The following SLC47A1 variants were observed in gnomAD, a reference collection of about 807,000 sequenced individuals.
The protein encoded by SLC47A1 is solute carrier family 47 member 1.
In SLC47A1, 58 loss-of-function variants were observed where a neutral mutation model predicts 65.8. The ratio of observed to expected loss-of-function variants is 0.88; its 90% CI spans 0.71 to 1.10. SLC47A1 has a LOEUF of 1.10. SLC47A1 is among the 50% of genes least tolerant of loss of function. The pLI is 0.00. For missense variants in SLC47A1, 706 were observed against 719.2 expected (o/e 0.98, Z 0.21); for synonymous variants, 285 against 295.0 (o/e 0.97, Z 0.35).
rs1161787923 is a variant in SLC47A1 at position 19,567,169 on chromosome 17, A to G, written c.1250A>G (p.Tyr417Cys). The stretch of plus-strand genomic sequence containing the variant: ...GCCATTGTGAATACCATTGGGTACT[A>G]TGTGGTTGGCCTCCCCATCGGGATC... The part of the protein sequence containing the change: ...VGAIVNTIGY[Y>C]VVGLPIGIAL... Residue 417 changes from tyrosine to cysteine, a missense_variant, in exon 14 of 17, where the codon TAT becomes TGT. Transcript: ENST00000270570. 3 of 1,614,196 alleles carry G rather than the reference A, an allele frequency of 1.9e-6. No homozygotes were observed. The highest frequency in any genetic ancestry group is 1.7e-5 in the Admixed American group (1 of 60,020).
At chr17:19,576,821 C>A (rs1433210515) in intron 16 of SLC47A1, among the ~76,000 whole-genome samples, 1 of 151,942 alleles carries the variant, frequency 6.6e-6, no homozygotes, top group Non-Finnish European at 1.5e-5. Flanking sequence ...CTCACCCAAA[C>A]CTCTGCCTCC....
chr17:19,559,635 G>A (rs2084291527), intron 10 of SLC47A1, among the ~76,000 whole-genome samples: 5 of 152,156 alleles, frequency 3.3e-5, no homozygotes, highest in Admixed American at 3.3e-4. Flanking sequence ...AGGTTCAAGC[G>A]ATTCTCCTGC....
intron 1 of SLC47A1, among the ~76,000 whole-genome samples, chr17:19,542,134 G>C (rs1916165974): frequency 6.6e-6 from 1 of 151,922 alleles, no homozygotes; most frequent in Non-Finnish European, 1.5e-5. Context: ...CAAAAAAAAA[G>C]AAAAGCTGAA....
chr17:19,575,061 C>T (rs940747217), intron 16 of SLC47A1, among the ~76,000 whole-genome samples: 9 of 148,762 alleles, frequency 6.0e-5, no homozygotes, highest in Admixed American at 2.0e-4. Flanking sequence ...TTTTCTTTTT[C>T]TCCCTCCCTC....
chr17:19,571,306 C>T (rs1317049402), intron 14 of SLC47A1, among the ~76,000 whole-genome samples, 172 bp from the exon 15 acceptor site: 2 of 152,126 alleles, frequency 1.3e-5, no homozygotes, highest in African/African-American at 2.4e-5. Flanking sequence ...CTGGAACCTT[C>T]TGGAAGCCTG....
intron 1 of SLC47A1, chr17:19,535,041 T>G (rs953206317): frequency 6.6e-6 from 1 of 152,278 alleles, no homozygotes; most frequent in Non-Finnish European, 1.5e-5. Context: ...TGTGGGATAT[T>G]GTGGCACCCG....
In SLC47A1 at chr17:19,571,520, T is replaced by G. The variant is rs748548792; in HGVS notation, c.1352T>G (p.Val451Gly). Reference sequence around the variant, plus strand: ...ATCATCTGTACAGTCTTTCAAGCTGTGTGTTTTCTAGGCTTTATTATTCAG... The same window carrying G: ...ATCATCTGTACAGTCTTTCAAGCTGGGTGTTTTCTAGGCTTTATTATTCAG... ...GIIICTVFQA[V>G]CFLGFIIQLN... Residue 451 changes from valine (V) to glycine (G), a missense_variant, in exon 15 of 17, where the codon GTG (valine) becomes GGG (glycine). Val to Gly is a moderately radical substitution (Grantham distance 109). Coordinates refer to ENST00000270570, the MANE Select transcript of SLC47A1 (RefSeq NM_018242.3). 4.3e-6 allele frequency: 7 copies of G among 1,614,184 alleles called. No homozygotes were observed. The African/African-American group carries it at 9.3e-5, about 22-fold the overall frequency.
intron 12 of SLC47A1, among the ~76,000 whole-genome samples, chr17:19,562,536 G>C (rs955533751): frequency 3.3e-5 from 5 of 150,774 alleles, no homozygotes; most frequent in African/African-American, 1.2e-4. Flanking sequence ...CTGCACTCCA[G>C]CCTGGGCAAC....
chr17:19,564,268 T>C (rs548481298), intron 12 of SLC47A1, among the ~76,000 whole-genome samples: 9 of 151,780 alleles, frequency 5.9e-5, no homozygotes, highest in Admixed American at 3.3e-4. Context: ...GGAGGATCAC[T>C]TGAGCCTGAG....
At chr17:19,572,643 T>C in intron 15 of SLC47A1, 137 bp from the exon 16 acceptor site, 1 of 740,212 alleles carries the variant, frequency 1.4e-6, no homozygotes, top group Non-Finnish European at 2.4e-6. Flanking sequence ...TTATGAAAGA[T>C]GACCTGTGAA....
intron 12 of SLC47A1, among the ~76,000 whole-genome samples, chr17:19,563,785 G>A (rs1291884089): frequency 1.4e-5 from 2 of 147,594 alleles, no homozygotes; most frequent in South Asian, 2.2e-4. Context: ...TCAGGAGATC[G>A]AGACCATCCT....
chr17:19,548,221 C>CTGCA lies in SLC47A1; in HGVS notation c.455+89_455+92dup, dbSNP rs1412610568. 3 of 1,499,184 alleles carry CTGCA rather than the reference C, an allele frequency of 2.0e-6. No individual in the cohort carries two copies. In the African/African-American group the frequency reaches 4.1e-5, roughly 21 times the overall value. 92.9% of individuals were successfully genotyped at this position (1,499,184 alleles called of 1,614,324 possible). ...GGTGCAGCCAGGGCCAGGGACAAGG[C>CTGCA]TGCACACCAAGGTGGTGCTCATCTC... On this transcript the variant is annotated intron_variant, in intron 4 of 16. Coordinates refer to ENST00000270570, the MANE Select transcript of SLC47A1 (RefSeq NM_018242.3).
Position 19,566,818 on chromosome 17 carries a change from G to A in SLC47A1, c.1135G>A (p.Val379Ile), listed in dbSNP as rs750032324. ...RDIINLVAQV[V>I]PIYAVSHLFE... is the part of the protein sequence containing the mutation. ...CATCATTAATCTGGTGGCTCAGGTGGTTCCAATTTATGCTGTTTCCCACCT... is the reference window on the plus strand; with the variant it reads ...CATCATTAATCTGGTGGCTCAGGTGATTCCAATTTATGCTGTTTCCCACCT... The change falls in exon 13 of 17, where the codon GTT becomes ATT. Residue 379 changes from valine (V) to isoleucine (I), a missense_variant. By Grantham distance (29) the Val-to-Ile change is conservative (BLOSUM62 3). Transcript: ENST00000270570. 6.2e-7 allele frequency: 1 copy of A among 1,614,154 alleles called. No individual in the cohort carries two copies. Among genetic ancestry groups the A allele is most frequent in the Non-Finnish European group, 8.5e-7 (1 of 1,180,020 alleles).
chr17:19,542,638 G>T, intron 2 of SLC47A1, 144 bp downstream of exon 2: 1 of 593,250 alleles, frequency 1.7e-6, no homozygotes, highest in Non-Finnish European at 2.7e-6. Context: ...TCTGAAGTGG[G>T]TTTCATGGCC....
chr17:19,576,645 ACTTGAATTATTTCTTAGGTTGTTTCTC>A (rs2084442212), intron 16 of SLC47A1, among the ~76,000 whole-genome samples: 2 of 151,612 alleles, frequency 1.3e-5, no homozygotes, highest in Non-Finnish European at 2.9e-5. Context: ...TCGCACCCAG[ACTTGAATTATTTCTTAGGTTGTTTCTC>A]CTTGTGTTTT....
chr17:19,578,141 G>A lies in SLC47A1; in HGVS notation c.*588G>A, dbSNP rs2084455138. ...TGAGACTACAGGGGTATGCCACCATGCCCAGCTGGCATTTGTTAATCTTCA... is the reference window on the plus strand; with the variant it reads ...TGAGACTACAGGGGTATGCCACCATACCCAGCTGGCATTTGTTAATCTTCA... On this transcript the variant is annotated 3_prime_UTR_variant, in exon 17 of 17. Transcript: ENST00000270570. The A allele has an allele frequency of 4.5e-6, 2 of 440,376 alleles. No individual in the cohort carries two copies. The highest frequency in any genetic ancestry group is 2.8e-5 in the Admixed American group (1 of 35,228). 27.3% of individuals were successfully genotyped at this position (440,376 alleles called of 1,614,324 possible).
chr17:19,560,030 G>A (rs2289669), intron 10 of SLC47A1, 158 bp from the exon 11 acceptor site: 234,846 of 596,556 alleles, frequency 0.39, 50,253 homozygotes, highest in Middle Eastern at 0.56. Context: ...AGTAGCGTGG[G>A]AGTTCCCGGC....
chr17:19,554,399 C>T (rs1250123434), intron 6 of SLC47A1, among the ~76,000 whole-genome samples: 6 of 152,188 alleles, frequency 3.9e-5, no homozygotes, highest in African/African-American at 1.4e-4. Flanking sequence ...TTTGTGTTAA[C>T]ATGATTTTGA....
intron 12 of SLC47A1, among the ~76,000 whole-genome samples, chr17:19,565,763 A>G (rs1434372847): frequency 2.6e-5 from 4 of 151,576 alleles, no homozygotes; most frequent in African/African-American, 7.3e-5. Context: ...TTGTATTTTT[A>G]GTAGAGACGG....
Sources: allele counts gnomAD v4.1 joint callset (sites outside exome capture counted in the v4.1 genomes callset), GRCh38; gene constraint gnomAD v4.1.1; transcripts MANE v1.5; gene names NCBI Gene and HGNC (gene_info 2026-07-23, HGNC 2026-07-21).